The following PPP4R3A variants were observed in gnomAD, a reference collection of about 807,000 sequenced individuals.
The protein encoded by PPP4R3A is protein phosphatase 4 regulatory subunit 3A.
In PPP4R3A, 15 loss-of-function variants were observed where a neutral mutation model predicts 91.7. The observed-to-expected ratio is 0.16, with a 90% confidence interval of 0.11 to 0.25. PPP4R3A has a LOEUF of 0.25. PPP4R3A is among the 10% of genes least tolerant of loss of function. The pLI is 1.00. For synonymous variants in PPP4R3A, 377 were observed against 348.7 expected, an observed-to-expected ratio of 1.08 and a Z score of -0.91; for missense variants, 623 against 998.4, an observed-to-expected ratio of 0.62 and a Z score of 5.07.
chr14:91,500,461 A>C (rs1890877120), intron 1 of PPP4R3A, among the ~76,000 whole-genome samples: 1 of 152,134 alleles, frequency 6.6e-6, no homozygotes, highest in Admixed American at 6.5e-5. Context: ...GGCTTCCCAA[A>C]GTGCTTGGGA....
chr14:91,506,684 AG>A (rs1891312124), intron 1 of PPP4R3A, among the ~76,000 whole-genome samples: 1 of 152,080 alleles, frequency 6.6e-6, no homozygotes, highest in African/African-American at 2.4e-5. Context: ...CAGAGCAGAT[AG>A]GACTACAGGC....
chr14:91,481,227 G>A (rs1889537307), intron 4 of PPP4R3A, among the ~76,000 whole-genome samples: 1 of 152,102 alleles, frequency 6.6e-6, no homozygotes, highest in African/African-American at 2.4e-5. Flanking sequence ...AGCTACTCAG[G>A]AGGCTGCAGT....
At chr14:91,483,867 A>G (rs1889716184) in intron 3 of PPP4R3A, among the ~76,000 whole-genome samples, 1 of 152,238 alleles carries the variant, frequency 6.6e-6, no homozygotes, top group Non-Finnish European at 1.5e-5. Flanking sequence ...GACCAAACAA[A>G]GGTAAAGATC....
At position 91,458,439 on chromosome 14, in the gene PPP4R3A, G is replaced by A; in HGVS notation, c.*320C>T. ...TCCAAGAAAGCATATTCTGATTGTAGCAACTGACCAGTCAATCCAGAGTTC... is the reference window on the plus strand; with the variant it reads ...TCCAAGAAAGCATATTCTGATTGTAACAACTGACCAGTCAATCCAGAGTTC... On this transcript the variant is annotated 3_prime_UTR_variant, in exon 15 of 15. Transcript: ENST00000554943. 1 of 383,828 alleles carries A rather than the reference G, an allele frequency of 2.6e-6. No homozygotes were observed. The highest frequency in any genetic ancestry group is 4.9e-6 in the Non-Finnish European group (1 of 203,246). The allele number at this position is 383,828 out of a possible 1,614,324, so 23.8% of individuals were successfully genotyped here.
At chr14:91,501,193 C>T (rs942174724) in intron 1 of PPP4R3A, among the ~76,000 whole-genome samples, 4 of 152,062 alleles carry the variant, frequency 2.6e-5, no homozygotes, top group Non-Finnish European at 4.4e-5. Context: ...CACTATCAAC[C>T]AACTAGACTC....
intron 1 of PPP4R3A, among the ~76,000 whole-genome samples, chr14:91,495,329 T>G (rs1170526907): frequency 1.3e-5 from 2 of 151,200 alleles, no homozygotes; most frequent in East Asian, 1.9e-4. Context: ...TGTGTGTATG[T>G]TTTTTTTTAG....
chr14:91,468,660 T>C (rs1888629049), intron 10 of PPP4R3A, among the ~76,000 whole-genome samples: 1 of 50,994 alleles, frequency 2.0e-5, no homozygotes, highest in Admixed American at 3.7e-4. Flanking sequence ...AGAGTGAGAC[T>C]CCGTCTCAAA....
At chr14:91,477,034 T>TG in intron 4 of PPP4R3A, 48 bp from the exon 5 acceptor site, 1 of 1,424,248 alleles carries the variant, frequency 7.0e-7, no homozygotes, top group Non-Finnish European at 9.7e-7. Flanking sequence ...AAGATTGTCC[T>TG]AAAATATAAT....
At chr14:91,487,877 C>G (rs1889992301) in intron 2 of PPP4R3A, among the ~76,000 whole-genome samples, 1 of 152,150 alleles carries the variant, frequency 6.6e-6, no homozygotes, top group African/African-American at 2.4e-5. Flanking sequence ...CCACCATGCC[C>G]AATGTTTGTA....
chr14:91,485,133 A>T (rs1246502623), intron 3 of PPP4R3A, among the ~76,000 whole-genome samples: 1 of 152,244 alleles, frequency 6.6e-6, no homozygotes, highest in East Asian at 1.9e-4. Context: ...TTGATTTAGG[A>T]AGATCAGTCA....
Position 91,509,789 on chromosome 14 carries a change from C to G in PPP4R3A, c.-142G>C, listed in dbSNP as rs1484809543. ...CTGCCGCCGCTGGGCGCCGCGGGGCCGCGCCGCCGCCTGCATGGCCCGCTC... is the reference window on the plus strand; with the variant it reads ...CTGCCGCCGCTGGGCGCCGCGGGGCGGCGCCGCCGCCTGCATGGCCCGCTC... On this transcript the variant is annotated 5_prime_UTR_variant, in exon 1 of 15. Coordinates refer to ENST00000554943, the MANE Select transcript of PPP4R3A (RefSeq NM_001366432.2). 4.0e-6 allele frequency: 5 copies of G among 1,249,114 alleles called. No individual in the cohort carries two copies. Among genetic ancestry groups the G allele is most frequent in the Non-Finnish European group, 5.0e-6 (5 of 1,000,894 alleles). 77.4% of individuals were successfully genotyped at this position (1,249,114 alleles called of 1,614,324 possible).
intron 10 of PPP4R3A, among the ~76,000 whole-genome samples, chr14:91,468,604 G>A (rs181358214): frequency 1.5e-5 from 2 of 132,238 alleles, no homozygotes; most frequent in Non-Finnish European, 3.1e-5. Flanking sequence ...AGGAGGTGGA[G>A]GTGCAGTGAG....
chr14:91,479,090 C>A (rs574290857), intron 4 of PPP4R3A, among the ~76,000 whole-genome samples: 1 of 152,236 alleles, frequency 6.6e-6, no homozygotes, highest in South Asian at 2.1e-4. Flanking sequence ...TCAAGCGATT[C>A]TCCTGCCTCA....
intron 4 of PPP4R3A, among the ~76,000 whole-genome samples, chr14:91,478,755 C>T (rs1889360200): frequency 6.6e-6 from 1 of 152,110 alleles, no homozygotes. Context: ...TTTTGCCTAT[C>T]ACTGGCTAAT....
intron 1 of PPP4R3A, among the ~76,000 whole-genome samples, chr14:91,502,190 T>C (rs1460747443): frequency 2.6e-5 from 4 of 151,876 alleles, no homozygotes; most frequent in South Asian, 2.1e-4. Flanking sequence ...GAGGGTGAGG[T>C]AGGAGCATTG....
At chr14:91,499,816 A>C (rs1194233486) in intron 1 of PPP4R3A, among the ~76,000 whole-genome samples, 2 of 70,914 alleles carry the variant, frequency 2.8e-5, no homozygotes, top group African/African-American at 5.0e-5. Context: ...GCGAGACTCC[A>C]CCTCAAAAAA....
chr14:91,480,256 T>C (rs988505222), intron 4 of PPP4R3A, among the ~76,000 whole-genome samples: 1 of 152,226 alleles, frequency 6.6e-6, no homozygotes, highest in Non-Finnish European at 1.5e-5. Context: ...CTGACCTCAG[T>C]TAATTTTCAG....
intron 12 of PPP4R3A, among the ~76,000 whole-genome samples, 171 bp from the exon 13 acceptor site, chr14:91,462,410 T>C (rs1888215858): frequency 6.6e-6 from 1 of 152,218 alleles, no homozygotes; most frequent in Admixed American, 6.5e-5. Context: ...AAATAATAAT[T>C]TGTAACCTTA....
intron 14 of PPP4R3A, among the ~76,000 whole-genome samples, chr14:91,459,307 T>C (rs552620229): frequency 2.6e-5 from 4 of 152,182 alleles, no homozygotes; most frequent in African/African-American, 9.6e-5. Context: ...GGTTTTGTCA[T>C]GTTGGCCAGC....
Sources: gnomAD v4.1 joint callset for allele counts (sites outside exome capture counted in the v4.1 genomes callset) on GRCh38, gnomAD v4.1.1 for gene constraint, MANE v1.5 for transcripts, NCBI Gene and HGNC (gene_info 2026-07-23, HGNC 2026-07-21) for gene names.